MMP26: variants seen among roughly 807,000 people sequenced by gnomAD.
MMP26 encodes matrix metalloproteinase-26.
In MMP26, 33 loss-of-function variants were observed where a neutral mutation model predicts 31.0. The observed-to-expected ratio is 1.06, with a 90% CI of 0.81 to 1.42. The LOEUF (loss-of-function observed/expected upper bound fraction) is 1.42. MMP26 is among the 40% of genes most tolerant of loss of function. MMP26 has a pLI of 0.00. For synonymous variants in MMP26, 122 were observed against 114.9 expected (o/e 1.06, Z -0.40); for missense variants, 347 against 316.1 (o/e 1.10, Z -0.74).
At chr11:4,868,150 A>G (rs758693869) in intron 2 of MMP26, among the ~76,000 whole-genome samples, 8 of 152,120 alleles carry the variant, frequency 5.3e-5, no homozygotes, top group Non-Finnish European at 1.2e-4. Context: ...AAACAAAAGA[A>G]AACAAATACC....
At chr11:4,951,608 C>T (rs1267239801) in intron 2 of MMP26, among the ~76,000 whole-genome samples, 1 of 123,824 alleles carries the variant, frequency 8.1e-6, no homozygotes, top group Non-Finnish European at 1.8e-5. Context: ...CTGTCTGATA[C>T]CATTTCTCCA....
chr11:4,935,489 G>T (rs1589944144), intron 2 of MMP26, among the ~76,000 whole-genome samples: 1 of 149,856 alleles, frequency 6.7e-6, no homozygotes, highest in South Asian at 2.1e-4. Context: ...GAGACAATGG[G>T]GTTTTCTAGA....
At chr11:4,914,546 C>G (rs190401346) in intron 2 of MMP26, 4 of 478,540 alleles carry the variant, frequency 8.4e-6, no homozygotes, top group East Asian at 3.1e-5. Flanking sequence ...TACATTTTAC[C>G]CCCCCCTGCC....
intron 2 of MMP26, among the ~76,000 whole-genome samples, chr11:4,935,857 CT>C: frequency 6.6e-6 from 1 of 151,124 alleles, no homozygotes; most frequent in East Asian, 1.9e-4. Flanking sequence ...GTCTTTGGCT[CT>C]GTTTATATGC....
At chr11:4,922,969 TA>T (rs997352467) in intron 2 of MMP26, among the ~76,000 whole-genome samples, 4 of 152,210 alleles carry the variant, frequency 2.6e-5, no homozygotes, top group African/African-American at 9.6e-5. Context: ...AATAAATAAA[TA>T]AAAATATGTT....
chr11:4,882,794 A>G lies in MMP26; in HGVS notation c.-144-105274A>G, dbSNP rs750968063. On this transcript the variant is annotated intron_variant, in intron 2 of 7. Coordinates refer to ENST00000380390, the MANE Select transcript of MMP26 (RefSeq NM_021801.5). ...CCCTATCATTTACAGCTTGAAGACC[A>G]AGACAATCCGCCAGGCTATGTTCCA... 3.3e-5 allele frequency: 54 copies of G among 1,613,754 alleles called. No homozygotes were observed. The highest frequency in any genetic ancestry group is 4.0e-5 in the Non-Finnish European group (47 of 1,179,886).
intron 1 of MMP26, among the ~76,000 whole-genome samples, chr11:4,707,067 T>A (rs1333788630): frequency 6.6e-6 from 1 of 152,236 alleles, no homozygotes; most frequent in African/African-American, 2.4e-5. Context: ...TTTGACTAAC[T>A]GATTTCCTTT....
chr11:4,741,074 C>G (rs766745001), intron 1 of MMP26, among the ~76,000 whole-genome samples: 2 of 152,098 alleles, frequency 1.3e-5, no homozygotes, highest in Non-Finnish European at 2.9e-5. Context: ...TTTAATTCAT[C>G]CCGAGTTAAT....
chr11:4,849,277 A>T, intron 2 of MMP26: 3 of 1,515,822 alleles, frequency 2.0e-6, no homozygotes, highest in Non-Finnish European at 2.7e-6. Flanking sequence ...ATCGCGTGCC[A>T]AATTTGCATG....
At chr11:4,883,545 A>G (rs918609008) in intron 2 of MMP26, among the ~76,000 whole-genome samples, 3 of 152,112 alleles carry the variant, frequency 2.0e-5, no homozygotes, top group South Asian at 2.1e-4. Context: ...AAAATTACAC[A>G]TTGACTTTCA....
chr11:4,905,095 A>C (rs1414051666), intron 2 of MMP26, among the ~76,000 whole-genome samples: 1 of 152,186 alleles, frequency 6.6e-6, no homozygotes, highest in Admixed American at 6.5e-5. Context: ...AATAAGAGTT[A>C]AGTGCATTCA....
At chr11:4,722,662 T>C in intron 1 of MMP26, 2 of 688,940 alleles carry the variant, frequency 2.9e-6, no homozygotes, top group Non-Finnish European at 5.2e-6. Flanking sequence ...TGTGCTACCC[T>C]GCACAGTGGC....
At chr11:4,890,979 GAAT>G (rs71050436) in intron 2 of MMP26, among the ~76,000 whole-genome samples, 20,669 of 136,840 alleles carry the variant, frequency 0.15, 1,645 homozygotes, top group African/African-American at 0.22. Flanking sequence ...AATGAACTCA[GAAT>G]AATAATAATA....
Position 4,990,764 on chromosome 11 carries a change from G to A in MMP26, c.469+18G>A, listed in dbSNP as rs982269379. ...GCAGTGGGGTAAGAAATTGACATGG[G>A]AAGAAGGATATGTATATGCCCTGTG... On this transcript the variant is annotated intron_variant, in intron 5 of 7. Transcript: ENST00000380390. 6.2e-7 allele frequency: 1 copy of A among 1,613,650 alleles called. No homozygotes were observed. Among genetic ancestry groups the A allele is most frequent in the South Asian group, 1.1e-5 (1 of 91,042 alleles).
intron 2 of MMP26, among the ~76,000 whole-genome samples, chr11:4,842,461 G>C (rs1849809479): frequency 6.6e-6 from 1 of 152,200 alleles, no homozygotes; most frequent in South Asian, 2.1e-4. Context: ...ATGGTGGAAG[G>C]TGAAGAGGAA....
chr11:4,730,346 T>C lies in MMP26; in HGVS notation c.-217+25301T>C, dbSNP rs74052062. 3.7e-3 allele frequency among the ~76,000 whole-genome samples: 567 copies of C among 151,660 alleles called. 3 individuals are homozygous for C. The highest frequency in any genetic ancestry group is 0.013 in the African/African-American group (521 of 41,232). ...TAATAGCACCACTAAAGAGCCAGGA[T>C]GCAGAGAAAGAATTTCTCATCACAT... On this transcript the variant is annotated intron_variant, in intron 1 of 7. Coordinates refer to ENST00000380390, the MANE Select transcript of MMP26 (RefSeq NM_021801.5).
intron 2 of MMP26, among the ~76,000 whole-genome samples, chr11:4,801,783 G>T (rs903008765): frequency 1.3e-5 from 2 of 151,958 alleles, no homozygotes; most frequent in Middle Eastern, 3.4e-3. Flanking sequence ...CTCGTGATCC[G>T]CCTGCCTCGG....
At chr11:4,925,635 A>G (rs1474022439) in intron 2 of MMP26, among the ~76,000 whole-genome samples, 1 of 152,184 alleles carries the variant, frequency 6.6e-6, no homozygotes, top group Non-Finnish European at 1.5e-5. Context: ...GGGTCAGTTC[A>G]TAAAACTGAT....
chr11:4,888,996 C>T (rs1186638549), intron 2 of MMP26, among the ~76,000 whole-genome samples: 1 of 152,104 alleles, frequency 6.6e-6, no homozygotes, highest in Admixed American at 6.6e-5. Flanking sequence ...ATGTACTTAT[C>T]CTTGTCATAT....
Sources: allele counts gnomAD v4.1 joint callset (sites outside exome capture counted in the v4.1 genomes callset), GRCh38; gene constraint gnomAD v4.1.1; transcripts MANE v1.5; gene names NCBI Gene and HGNC (gene_info 2026-07-23, HGNC 2026-07-21).